Variants in LDLRAD4 observed in about 807,000 individuals in gnomAD.
The protein encoded by LDLRAD4 is low density lipoprotein receptor class A domain containing 4.
LDLRAD4 carries 5 observed loss-of-function variants against 17.0 expected under a neutral mutation model. The ratio of observed to expected loss-of-function variants is 0.29; its 90% CI spans 0.15 to 0.62. The LOEUF (loss-of-function observed/expected upper bound fraction) is 0.62. Ranked by LOEUF, LDLRAD4 falls within the 20% of genes least tolerant of loss-of-function variation. The pLI, the probability that LDLRAD4 is intolerant of heterozygous loss-of-function variation, is 0.84. For synonymous variants in LDLRAD4, 168 were observed against 171.8 expected, an observed-to-expected ratio of 0.98 and a Z score of 0.17; for missense variants, 340 against 424.7, an observed-to-expected ratio of 0.80 and a Z score of 1.75.
At chr18:13,516,601 C>T (rs1601017266) in intron 3 of LDLRAD4, among the ~76,000 whole-genome samples, 1 of 152,348 alleles carries the variant, frequency 6.6e-6, no homozygotes, top group East Asian at 1.9e-4. Flanking sequence ...AACAGAGCGG[C>T]ACTTCAAGTG....
intron 3 of LDLRAD4, among the ~76,000 whole-genome samples, chr18:13,619,576 A>G (rs2040421174): frequency 6.6e-6 from 1 of 150,964 alleles, no homozygotes; most frequent in Non-Finnish European, 1.5e-5. Context: ...TCCTCCCCAT[A>G]GGAAGTAGAC....
At chr18:13,511,331 A>G (rs1742563100) in intron 3 of LDLRAD4, among the ~76,000 whole-genome samples, 1 of 152,090 alleles carries the variant, frequency 6.6e-6, no homozygotes, top group African/African-American at 2.4e-5. Context: ...TCAGGCGTTC[A>G]AGACCAGCCA....
chr18:13,510,893 G>C lies in LDLRAD4; in HGVS notation c.181+72509G>C, dbSNP rs79218706. Reference sequence around the variant, plus strand: ...TTAATGTGGCTGGGGTGAGGAGTGAGAGGGAAACTTCAACACAAAACAAAA... The same window carrying C: ...TTAATGTGGCTGGGGTGAGGAGTGACAGGGAAACTTCAACACAAAACAAAA... On this transcript the variant is annotated intron_variant, in intron 3 of 5. Transcript: ENST00000359446. Among the ~76,000 whole-genome samples, 1,503 of 152,288 alleles carry C rather than the reference G, an allele frequency of 9.9e-3. 23 individuals carry two copies. Among genetic ancestry groups the C allele is most frequent in the African/African-American group, 0.034 (1,432 of 41,546 alleles).
chr18:13,463,259 C>T (rs1343123473), intron 3 of LDLRAD4, among the ~76,000 whole-genome samples: 1 of 152,132 alleles, frequency 6.6e-6, no homozygotes, highest in East Asian at 1.9e-4. Flanking sequence ...CCTCCCTGTC[C>T]CCCAGTTCTC....
Position 13,645,443 on chromosome 18 carries a change from G to T in LDLRAD4, c.707G>T (p.Gly236Val). The change falls in exon 6 of 6, where the codon GGC (glycine) becomes GTC (valine). Residue 236 changes from glycine (G) to valine (V), a missense_variant. Coordinates refer to ENST00000359446, the Ensembl canonical transcript of LDLRAD4. The surrounding 1 kb of genome is among the most constrained non-coding windows in gnomAD (Gnocchi z 5.7). ...CCATGCCCACCCAGCAGCAACTCGG[G>T]CATCAGTGCAAGCACCTGCAGCAGT... 1 of 1,613,996 alleles carries T rather than the reference G, an allele frequency of 6.2e-7. No homozygotes were observed. Among genetic ancestry groups the T allele is most frequent in the Non-Finnish European group, 8.5e-7 (1 of 1,180,000 alleles).
At chr18:13,407,913 G>C (rs1159168718) in intron 2 of LDLRAD4, among the ~76,000 whole-genome samples, 1 of 152,190 alleles carries the variant, frequency 6.6e-6, no homozygotes, top group Non-Finnish European at 1.5e-5. Flanking sequence ...TAATTAGTCA[G>C]TTTGACAAAC....
intron 4 of LDLRAD4, among the ~76,000 whole-genome samples, chr18:13,640,112 G>A (rs985698609): frequency 4.7e-5 from 7 of 149,250 alleles, no homozygotes; most frequent in African/African-American, 1.8e-4. Context: ...TGGTGAAACC[G>A]CGTCTCTACT....
intron 3 of LDLRAD4, among the ~76,000 whole-genome samples, chr18:13,452,340 C>A (rs1280738217): frequency 6.6e-6 from 1 of 152,000 alleles, no homozygotes; most frequent in African/African-American, 2.4e-5. Context: ...TTGGAGGATG[C>A]AGCGGGTGCA....
chr18:13,400,593 T>C (rs2087093942), intron 2 of LDLRAD4, among the ~76,000 whole-genome samples: 1 of 152,144 alleles, frequency 6.6e-6, no homozygotes, highest in Non-Finnish European at 1.5e-5. Flanking sequence ...GTGTTTATGA[T>C]TGGAGCTCAG....
Position 13,326,359 on chromosome 18 carries a change from A to G in LDLRAD4, c.-383+48171A>G, listed in dbSNP as rs377196977. ...GTAAATCTGCATTTTACATAAGATA[A>G]GGTGAATGAATGTTTGAAGAGAAAA... On this transcript the variant is annotated intron_variant, in intron 1 of 5. Transcript: ENST00000359446. Among the ~76,000 whole-genome samples the G allele has an allele frequency of 2.8e-4, 42 of 152,346 alleles. No homozygotes were observed. In the South Asian group the frequency reaches 4.1e-3, roughly 15 times the overall value.
intron 3 of LDLRAD4, among the ~76,000 whole-genome samples, chr18:13,443,877 G>A (rs2091207627): frequency 6.6e-6 from 1 of 152,172 alleles, no homozygotes; most frequent in Non-Finnish European, 1.5e-5. Context: ...GTAATGCAGA[G>A]GTCTGGGGAG....
chr18:13,646,698 A>G (rs528905670), exon 6 of LDLRAD4: 9 of 152,658 alleles, frequency 5.9e-5, no homozygotes, highest in Admixed American at 1.3e-4. Flanking sequence ...ATTCAAATAC[A>G]TACCTTATTT....
chr18:13,496,018 CCA>C (rs1456336407), intron 3 of LDLRAD4, among the ~76,000 whole-genome samples: 6 of 152,166 alleles, frequency 3.9e-5, no homozygotes, highest in African/African-American at 1.4e-4. Context: ...GGCGCTCCCA[CCA>C]CCCGCCTGGC....
At chr18:13,262,258 A>G (rs2043890210) in intron 1 of LDLRAD4, among the ~76,000 whole-genome samples, 1 of 134,376 alleles carries the variant, frequency 7.4e-6, no homozygotes, top group African/African-American at 3.0e-5. Context: ...GTGTGTGTGG[A>G]AACTGAGTCC....
chr18:13,602,499 T>TC (rs1464733931), intron 3 of LDLRAD4, among the ~76,000 whole-genome samples: 2 of 136,128 alleles, frequency 1.5e-5, no homozygotes, highest in Admixed American at 7.0e-5. Flanking sequence ...TTTAATTTTT[T>TC]TTTTTTTTTT....
intron 3 of LDLRAD4, among the ~76,000 whole-genome samples, chr18:13,563,443 C>T (rs906784651): frequency 3.3e-5 from 5 of 152,108 alleles, no homozygotes; most frequent in African/African-American, 1.2e-4. Context: ...GATCTGTTTA[C>T]ACAACAGCGA....
At chr18:13,238,694 C>T (rs2042461783) in intron 1 of LDLRAD4, among the ~76,000 whole-genome samples, 1 of 152,160 alleles carries the variant, frequency 6.6e-6, no homozygotes, top group South Asian at 2.1e-4. Flanking sequence ...CTTTTAGGAT[C>T]CTGGAGAGAC....
chr18:13,417,371 G>A (rs1183322041), intron 2 of LDLRAD4, among the ~76,000 whole-genome samples: 1 of 152,020 alleles, frequency 6.6e-6, no homozygotes, highest in African/African-American at 2.4e-5. Context: ...TCACTTTGGT[G>A]CGGTGGTCTA....
chr18:13,590,910 T>TG (rs2095018445), intron 3 of LDLRAD4, among the ~76,000 whole-genome samples: 1 of 152,198 alleles, frequency 6.6e-6, no homozygotes, highest in Non-Finnish European at 1.5e-5. Context: ...AGCAGTGGCA[T>TG]GAGTTGGTGC....
Sources: gnomAD v4.1 joint callset for allele counts (sites outside exome capture counted in the v4.1 genomes callset) on GRCh38, gnomAD v4.1.1 for gene constraint, Gnocchi (gnomAD v3.1) non-coding constraint, MANE v1.5 for transcripts, NCBI Gene and HGNC (gene_info 2026-07-23, HGNC 2026-07-21) for gene names.